Variants in COCH observed in about 807,000 individuals in gnomAD.
COCH encodes cochlin.
COCH carries 40 observed loss-of-function variants against 54.8 expected under a neutral mutation model. That is an observed-to-expected ratio of 0.73 (90% confidence interval 0.57 to 0.95). The LOEUF (loss-of-function observed/expected upper bound fraction) is 0.95, where lower values mean the gene tolerates loss of function less well. Ranked by LOEUF, COCH falls within the 40% of genes least tolerant of loss-of-function variation. COCH has a pLI of 0.00. For synonymous variants in COCH, 256 were observed against 237.9 expected (o/e 1.08, Z -0.70); for missense variants, 605 against 675.0 (o/e 0.90, Z 1.15).
rs1895782858 is a variant in COCH at position 30,886,117 on chromosome 14, G to A, written c.1282G>A (p.Glu428Lys). The A allele has an allele frequency of 3.7e-6, 6 of 1,613,782 alleles. No homozygotes were observed. Among genetic ancestry groups the A allele is most frequent in the Non-Finnish European group, 5.1e-6 (6 of 1,179,738 alleles). ...EFSFTDYSTKENVLAVIRNIR... is the reference protein window; with the variant it reads ...EFSFTDYSTKKNVLAVIRNIR... Reference sequence around the variant, plus strand: ...CAGTTTCACTGACTATAGCACCAAAGAGAATGTCCTAGCTGTCATCAGAAA... The same window carrying A: ...CAGTTTCACTGACTATAGCACCAAAAAGAATGTCCTAGCTGTCATCAGAAA... Residue 428 changes from glutamate to lysine, a missense_variant, in exon 11 of 12, where the codon GAG becomes AAG. Physicochemically the swap from Glu to Lys is moderately conservative, Grantham distance 56 (BLOSUM62 1). Transcript: ENST00000396618.
Position 30,878,913 on chromosome 14 carries a change from T to C in COCH, c.342T>C (p.Leu114=). The change falls in exon 5 of 12, where the codon CTT becomes CTC. Residue 114 remains leucine, a synonymous_variant. Transcript: ENST00000396618. The part of the protein sequence containing the change: ...VDANGIQSQM[L]SRWSASFTVT... ...CCAATGGCATCCAGTCTCAAATGCT[T>C]TCTAGATGGTCTGCTTCTTTCACAG... The C allele has an allele frequency of 5.0e-6, 8 of 1,614,184 alleles. No individual in the cohort carries two copies. The highest frequency in any genetic ancestry group is 6.8e-6 in the Non-Finnish European group (8 of 1,180,038).
intron 6 of COCH, 83 bp downstream of exon 6, chr14:30,879,568 T>C (rs538910901): frequency 3.5e-4 from 490 of 1,418,722 alleles, no homozygotes; most frequent in Non-Finnish European, 4.7e-4. Flanking sequence ...TAGAAGCTTT[T>C]CTTAAAGAAA....
At chr14:30,874,815 T>A (rs1348693080) in intron 1 of COCH, 101 bp from the exon 2 acceptor site, 4 of 1,153,452 alleles carry the variant, frequency 3.5e-6, no homozygotes, top group Non-Finnish European at 5.2e-6. Flanking sequence ...TCCTCTCTCC[T>A]CTGCGCCGCG....
At chr14:30,874,672 T>C in intron 1 of COCH, 81 bp downstream of exon 1, 1 of 589,352 alleles carries the variant, frequency 1.7e-6, no homozygotes, top group Non-Finnish European at 3.0e-6. Flanking sequence ...TCCCAGCCTG[T>C]CTGTCGTCGT....
rs371978704 is a variant in COCH, at chr14:30,874,987, C to T, written c.34+15C>T. 1.4e-5 allele frequency: 23 copies of T among 1,613,054 alleles called. No homozygotes were observed. In the African/African-American group the frequency reaches 2.9e-4, roughly 21 times the overall value. On this transcript the variant is annotated intron_variant, in intron 2 of 11. Coordinates refer to ENST00000396618, the MANE Select transcript of COCH (RefSeq NM_004086.3). Reference sequence around the variant, plus strand: ...TCTCGGCCTCGGTGGGTGCGCGCCCCTCACGACCCCGGCCCCTTGCTCCGC... The same window carrying T: ...TCTCGGCCTCGGTGGGTGCGCGCCCTTCACGACCCCGGCCCCTTGCTCCGC...
chr14:30,880,680 C>T lies in COCH; in HGVS notation c.575C>T (p.Ala192Val), dbSNP rs754241461. 4 of 1,613,900 alleles carry T rather than the reference C, an allele frequency of 2.5e-6. No homozygotes were observed. Among genetic ancestry groups the T allele is most frequent in the African/African-American group, 1.3e-5 (1 of 74,996 alleles). Residue 192 changes from alanine (A) to valine (V), a missense_variant, in exon 8 of 12, where the codon GCT becomes GTT. Physicochemically the swap from Ala to Val is moderately conservative, Grantham distance 64 (BLOSUM62 0). Coordinates refer to ENST00000396618, the MANE Select transcript of COCH (RefSeq NM_004086.3). ...CAGAAGAATTTTGTTGGAAAAGTGG[C>T]TCTAATGTTGGGAATTGGAACAGAA... is the stretch of plus-strand genomic sequence containing the variant. ...NLQKNFVGKV[A>V]LMLGIGTEGP...
chr14:30,874,998 G>C (rs752833959), intron 2 of COCH, 26 bp downstream of exon 2: 8 of 1,613,054 alleles, frequency 5.0e-6, no homozygotes, highest in South Asian at 3.3e-5. Flanking sequence ...TCACGACCCC[G>C]GCCCCTTGCT....
chr14:30,874,755 C>CGCCT (rs1895290354), intron 1 of COCH, 161 bp from the exon 2 acceptor site: 2 of 680,152 alleles, frequency 2.9e-6, no homozygotes, highest in Admixed American at 4.9e-5. Context: ...GCCGCCGAGG[C>CGCCT]GCCTCCCAGA....
At chr14:30,875,430 A>T (rs1895322779) in intron 3 of COCH, 8 of 591,282 alleles carry the variant, frequency 1.4e-5, no homozygotes, top group Admixed American at 3.0e-5. Context: ...AGGAAGGAGG[A>T]CTCCTTGAGC....
chr14:30,880,779 T>C, intron 8 of COCH, 45 bp downstream of exon 8: 1 of 1,393,178 alleles, frequency 7.2e-7, no homozygotes, highest in Non-Finnish European at 1.0e-6. Context: ...AAAATTATTT[T>C]GTAATTGACA....
At chr14:30,888,432 CAA>C (rs1287988061) in intron 11 of COCH, among the ~76,000 whole-genome samples, 2 of 151,894 alleles carry the variant, frequency 1.3e-5, no homozygotes, top group South Asian at 2.1e-4. Flanking sequence ...ACAGAAACTC[CAA>C]AAGTTATAGA....
chr14:30,889,712 G>T lies in COCH; in HGVS notation c.1574G>T (p.Arg525Ile), dbSNP rs147643069. ...AAGGAGTCTCATGCTTTCTTCACAA[G>T]AGAGTTCACAGGATTAGAACCAATT... ...KPKESHAFFT[R>I]EFTGLEPIVS... is the part of the protein sequence containing the mutation. Residue 525 changes from arginine to isoleucine, a missense_variant, in exon 12 of 12, where the codon AGA becomes ATA. Physicochemically the swap from Arg to Ile is moderately conservative, Grantham distance 97 (BLOSUM62 -3). Coordinates refer to ENST00000396618, the MANE Select transcript of COCH (RefSeq NM_004086.3). 1.8e-4 allele frequency: 290 copies of T among 1,613,992 alleles called. 2 individuals carry two copies. The highest frequency in any genetic ancestry group is 5.1e-6 in the Non-Finnish European group (6 of 1,179,988).
At chr14:30,875,551 G>C (rs1318792575) in intron 3 of COCH, 1 of 495,136 alleles carries the variant, frequency 2.0e-6, no homozygotes, top group Non-Finnish European at 3.5e-6. Context: ...GGCGAACGTC[G>C]CTGTCCCACC....
chr14:30,884,949 G>A, intron 9 of COCH: 1 of 1,598,130 alleles, frequency 6.3e-7, no homozygotes, highest in Non-Finnish European at 8.5e-7. Context: ...ATGCTAAAAA[G>A]AAGTGAAAAT....
chr14:30,878,877 C>G lies in COCH; in HGVS notation c.306C>G (p.Ser102=). The change falls in exon 5 of 12, where the codon TCC becomes TCG. Residue 102 remains serine (S), a synonymous_variant. Coordinates refer to ENST00000396618, the MANE Select transcript of COCH (RefSeq NM_004086.3). ...GCCTACCTGGTCGAGAAAACTATTC[C>G]TCAGTAGATGCCAATGGCATCCAGT... ...VYSLPGRENY[S]SVDANGIQSQ... is the part of the protein sequence containing the mutation. 6.2e-7 allele frequency: 1 copy of G among 1,614,150 alleles called. No homozygotes were observed. The highest frequency in any genetic ancestry group is 1.1e-5 in the South Asian group (1 of 91,086).
Position 30,885,484 on chromosome 14 carries a change from A to T in COCH, c.824A>T (p.Asp275Val). Residue 275 changes from aspartate to valine, a missense_variant, in exon 10 of 12, where the codon GAT (aspartate) becomes GTT (valine). Asp to Val is a radical substitution (Grantham distance 152). Transcript: ENST00000396618. ...GIPKVVVVFI[D>V]GWPSDDIEEA... ...CCCAAAGTGGTGGTGGTATTTATTG[A>T]TGGTTGGCCTTCTGATGACATCGAG... The T allele has an allele frequency of 6.2e-7, 1 of 1,613,958 alleles. No homozygotes were observed. The highest frequency in any genetic ancestry group is 8.5e-7 in the Non-Finnish European group (1 of 1,179,810).
chr14:30,883,538 G>A (rs1895683757), intron 8 of COCH, among the ~76,000 whole-genome samples: 1 of 152,136 alleles, frequency 6.6e-6, no homozygotes, highest in Non-Finnish European at 1.5e-5. Flanking sequence ...CAAGTGAAAA[G>A]GTTTTCAACC....
chr14:30,891,217 G>A (rs1431786463), downstream of COCH, among the ~76,000 whole-genome samples: 1 of 152,228 alleles, frequency 6.6e-6, no homozygotes, highest in East Asian at 1.9e-4. Context: ...TGGTTCCTAT[G>A]AAAGGAGAAC....
At position 30,890,043 on chromosome 14, in the gene COCH, T is replaced by C. The variant is rs372169208; in HGVS notation, c.*252T>C. On this transcript the variant is annotated 3_prime_UTR_variant, in exon 12 of 12. Transcript: ENST00000396618. ...TAGAAACTCAGGAAAGAGGAGATAA[T>C]GTGGATTAAAACCTTAAGAGTTCTA... 3.3e-6 allele frequency: 4 copies of C among 1,195,334 alleles called. No individual in the cohort carries two copies. Among genetic ancestry groups the C allele is most frequent in the East Asian group, 4.2e-5 (1 of 23,836 alleles). 74.0% of individuals were successfully genotyped at this position (1,195,334 alleles called of 1,614,324 possible).
Sources: allele counts gnomAD v4.1 joint callset (sites outside exome capture counted in the v4.1 genomes callset), GRCh38; gene constraint gnomAD v4.1.1; transcripts MANE v1.5; gene names NCBI Gene and HGNC (gene_info 2026-07-23, HGNC 2026-07-21).